RASGRF2: variants seen among roughly 807,000 people sequenced by gnomAD.
RASGRF2 encodes Ras protein specific guanine nucleotide releasing factor 2, also known as ras-specific guanine nucleotide-releasing factor 2.
A neutral mutation model predicts 151.0 loss-of-function variants in RASGRF2; 76 were observed. The observed-to-expected ratio is 0.50, with a 90% CI of 0.42 to 0.61. RASGRF2 has a LOEUF of 0.61. RASGRF2 is among the 20% of genes least tolerant of loss of function. The probability of loss-of-function intolerance (pLI) is 0.00; values close to 1 mark genes in which losing one functional copy is unlikely to be tolerated. For missense variants in RASGRF2, 1,148 were observed against 1,564.6 expected, an observed-to-expected ratio of 0.73 and a Z score of 4.49; for synonymous variants, 504 against 566.5, an observed-to-expected ratio of 0.89 and a Z score of 1.57.
At chr5:80,988,682 TCTC>T (rs1190136318) in intron 1 of RASGRF2, among the ~76,000 whole-genome samples, 1 of 152,210 alleles carries the variant, frequency 6.6e-6, no homozygotes, top group Non-Finnish European at 1.5e-5. Flanking sequence ...AGAAGTAACA[TCTC>T]CTCATAGAGT....
intron 2 of RASGRF2, among the ~76,000 whole-genome samples, chr5:81,062,386 T>A (rs1027100233): frequency 3.9e-5 from 6 of 152,226 alleles, no homozygotes; most frequent in Admixed American, 1.3e-4. Flanking sequence ...TAATTAAACC[T>A]CTATTGATTT....
intron 17 of RASGRF2, among the ~76,000 whole-genome samples, chr5:81,170,503 A>G (rs1387371796): frequency 6.6e-6 from 1 of 152,142 alleles, no homozygotes; most frequent in African/African-American, 2.4e-5. Context: ...GGCTGCAGCC[A>G]TACTGGGCTG....
intron 2 of RASGRF2, among the ~76,000 whole-genome samples, chr5:81,065,030 A>G (rs1296625256): frequency 2.6e-5 from 4 of 152,168 alleles, no homozygotes; most frequent in Non-Finnish European, 5.9e-5. Context: ...CGAGTTCTAC[A>G]GCAGCAAGGA....
chr5:81,040,970 A>G (rs982366244), intron 1 of RASGRF2, among the ~76,000 whole-genome samples: 14 of 152,324 alleles, frequency 9.2e-5, no homozygotes, highest in African/African-American at 2.9e-4. Context: ...AGGCTAGAGC[A>G]TATCTTCAGA....
At chr5:81,047,522 G>T (rs1323829308) in intron 2 of RASGRF2, among the ~76,000 whole-genome samples, 1 of 152,160 alleles carries the variant, frequency 6.6e-6, no homozygotes, top group Non-Finnish European at 1.5e-5. Context: ...TCTCCACCTC[G>T]ATTCTCTTCC....
chr5:81,181,302 A>G (rs569851935), intron 18 of RASGRF2, among the ~76,000 whole-genome samples: 1 of 152,326 alleles, frequency 6.6e-6, no homozygotes, highest in South Asian at 2.1e-4. Flanking sequence ...CAGGCTCCTG[A>G]AACCCCTGTG....
chr5:81,049,955 G>A (rs1750959854), intron 2 of RASGRF2, among the ~76,000 whole-genome samples: 1 of 152,104 alleles, frequency 6.6e-6, no homozygotes, highest in African/African-American at 2.4e-5. Context: ...TACTAAGCAA[G>A]ACAAACCCAA....
At chr5:81,213,542 T>C (rs1280551063) in intron 23 of RASGRF2, among the ~76,000 whole-genome samples, 1 of 152,220 alleles carries the variant, frequency 6.6e-6, no homozygotes, top group East Asian at 1.9e-4. Context: ...AGGTATGTTC[T>C]GCTGACATGG....
Position 81,073,624 on chromosome 5 carries a change from A to T in RASGRF2, c.887+172A>T, listed in dbSNP as rs558776910. On this transcript the variant is annotated intron_variant, in intron 5 of 26. Coordinates refer to ENST00000265080, the MANE Select transcript of RASGRF2 (RefSeq NM_006909.3). ...ATTGTTATTTTATTTTATTTTATTT[A>T]TTTATTTTTTTTGAGATGGAGTCTT... Among the ~76,000 whole-genome samples the T allele has an allele frequency of 3.9e-3, 590 of 151,512 alleles. 1 individual carries two copies. Among genetic ancestry groups the T allele is most frequent in the African/African-American group, 0.014 (560 of 41,358 alleles).
At chr5:81,188,608 A>T (rs570523468) in intron 18 of RASGRF2, among the ~76,000 whole-genome samples, 12 of 151,694 alleles carry the variant, frequency 7.9e-5, no homozygotes, top group African/African-American at 1.7e-4. Context: ...AACCCAATTT[A>T]AAAAAAAATA....
rs562893719 is a variant in RASGRF2, at chr5:81,208,726, G to C, written c.3156+288G>C. Among the ~76,000 whole-genome samples, 6 of 151,692 alleles carry C rather than the reference G, an allele frequency of 4.0e-5. No individual in the cohort carries two copies. In the South Asian group the frequency reaches 1.2e-3, roughly 32 times the overall value. Reference sequence around the variant, plus strand: ...GCCATCATGCCTGGCTAATATTTTTGTATTTTTAGTAAAGGGGTTTCACCA... The same window carrying C: ...GCCATCATGCCTGGCTAATATTTTTCTATTTTTAGTAAAGGGGTTTCACCA... On this transcript the variant is annotated intron_variant, in intron 22 of 26. Coordinates refer to ENST00000265080, the MANE Select transcript of RASGRF2 (RefSeq NM_006909.3).
intron 1 of RASGRF2, among the ~76,000 whole-genome samples, chr5:81,003,024 T>A (rs1051225902): frequency 2.0e-5 from 3 of 152,114 alleles, no homozygotes; most frequent in Non-Finnish European, 2.9e-5. Context: ...AGGGTAGCTA[T>A]GAAGTCTCAA....
intron 2 of RASGRF2, among the ~76,000 whole-genome samples, chr5:81,045,613 C>T (rs1561575497): frequency 6.6e-6 from 1 of 151,940 alleles, no homozygotes; most frequent in Non-Finnish European, 1.5e-5. Context: ...TGACTTTTTC[C>T]CTTGATGTTT....
intron 17 of RASGRF2, among the ~76,000 whole-genome samples, chr5:81,137,798 A>G (rs1304384432): frequency 6.6e-6 from 1 of 152,214 alleles, no homozygotes. Context: ...ATTTAGCACC[A>G]ATTCTGTGGT....
intron 1 of RASGRF2, among the ~76,000 whole-genome samples, chr5:81,010,735 G>A (rs1749430993): frequency 6.6e-6 from 1 of 152,150 alleles, no homozygotes. Flanking sequence ...GTCTTCTTAG[G>A]GAAAGAGGCC....
intron 1 of RASGRF2, among the ~76,000 whole-genome samples, chr5:81,032,147 G>C (rs1176620182): frequency 2.6e-5 from 4 of 152,120 alleles, no homozygotes; most frequent in Admixed American, 2.0e-4. Flanking sequence ...TGAAATTGAG[G>C]CAATAATTAA....
chr5:81,041,407 A>G (rs1421194395), intron 1 of RASGRF2, among the ~76,000 whole-genome samples: 1 of 152,186 alleles, frequency 6.6e-6, no homozygotes, highest in African/African-American at 2.4e-5. Flanking sequence ...TCAACTTAAG[A>G]CATCTGTCAC....
At chr5:81,213,911 G>T (rs187393249) in intron 23 of RASGRF2, among the ~76,000 whole-genome samples, 1 of 152,338 alleles carries the variant, frequency 6.6e-6, no homozygotes, top group East Asian at 1.9e-4. Context: ...AGCTTCACAT[G>T]CAGTTGTAAG....
chr5:81,083,269 CTTTT>C (rs199506836), intron 7 of RASGRF2, among the ~76,000 whole-genome samples: 10 of 143,038 alleles, frequency 7.0e-5, no homozygotes, highest in Admixed American at 1.4e-4. Flanking sequence ...AGGGTTCTCA[CTTTT>C]TTTTTTTTTT....
Sources: gnomAD v4.1 joint callset for allele counts (sites outside exome capture counted in the v4.1 genomes callset) on GRCh38, gnomAD v4.1.1 for gene constraint, MANE v1.5 for transcripts, NCBI Gene and HGNC (gene_info 2026-07-23, HGNC 2026-07-21) for gene names.